Variants in MRPS23 observed in about 807,000 individuals in gnomAD.
The protein encoded by MRPS23 is mitochondrial ribosomal protein S23.
A neutral mutation model predicts 19.8 loss-of-function variants in MRPS23; 14 were observed. That is an observed-to-expected ratio of 0.71 (90% CI 0.47 to 1.11). The LOEUF (loss-of-function observed/expected upper bound fraction) is 1.11. Among genes scored for constraint, MRPS23 ranks in the 50% least tolerant of loss-of-function variants. The pLI is 0.00. For synonymous variants in MRPS23, 113 were observed against 89.7 expected (o/e 1.26, Z -1.47); for missense variants, 242 against 236.7 (o/e 1.02, Z -0.15).
intron 2 of MRPS23, among the ~76,000 whole-genome samples, chr17:57,846,338 G>C (rs1401336332): frequency 6.6e-6 from 1 of 152,044 alleles, no homozygotes; most frequent in East Asian, 1.9e-4. Context: ...TCCGGGAGGT[G>C]GGGGGCACCT....
chr17:57,835,718 A>G lies in MRPS23; in HGVS notation c.*4065T>C, dbSNP rs916018604. ...GAAGCCAAAAAGGCAAACATTGTCC[A>G]TATTTTACAGGCTGAAATACTGTGA... On this transcript the variant is annotated 3_prime_UTR_variant, in exon 5 of 5. Coordinates refer to ENST00000313608, the MANE Select transcript of MRPS23 (RefSeq NM_016070.4). 5.3e-5 allele frequency: 8 copies of G among 152,254 alleles called. No individual in the cohort carries two copies. Among genetic ancestry groups the G allele is most frequent in the African/African-American group, 1.7e-4 (7 of 41,472 alleles). The allele number at this position is 152,254 out of a possible 1,614,324, so 9.4% of individuals were successfully genotyped here. A position where few individuals can be genotyped will look rare whatever the true frequency, so the allele number is the denominator to read the frequency against.
In MRPS23 at chr17:57,835,781, T is replaced by C. The variant is rs1001301616; in HGVS notation, c.*4002A>G. On this transcript the variant is annotated 3_prime_UTR_variant, in exon 5 of 5. Transcript: ENST00000313608. ...CACATAGTAAAAACTGCCTGGAGTA[T>C]CCAGATCTAGAACCCAAATCTTCAT... 1.3e-5 allele frequency: 2 copies of C among 152,122 alleles called. No homozygotes were observed. The highest frequency in any genetic ancestry group is 2.9e-5 in the Non-Finnish European group (2 of 68,038). The allele number at this position is 152,122 out of a possible 1,614,324, so 9.4% of individuals were successfully genotyped here. A position where few individuals can be genotyped will look rare whatever the true frequency, so the allele number is the denominator to read the frequency against.
chr17:57,846,503 G>C (rs1372237266), intron 2 of MRPS23, among the ~76,000 whole-genome samples: 1 of 152,226 alleles, frequency 6.6e-6, no homozygotes, highest in African/African-American at 2.4e-5. Flanking sequence ...AAGAAAGAGA[G>C]ATCAGATTGT....
rs1037846258 is a variant in MRPS23, at chr17:57,837,742, G to T, written c.*2041C>A. Reference sequence around the variant, plus strand: ...GCACTTTGGGCGGCTGAGGCAGGAGGATCGCTTGAGGCCAGGAGTTTGAGA... The same window carrying T: ...GCACTTTGGGCGGCTGAGGCAGGAGTATCGCTTGAGGCCAGGAGTTTGAGA... On this transcript the variant is annotated 3_prime_UTR_variant, in exon 5 of 5. Coordinates refer to ENST00000313608, the MANE Select transcript of MRPS23 (RefSeq NM_016070.4). The T allele has an allele frequency of 6.6e-6, 1 of 152,276 alleles. No individual in the cohort carries two copies. Among genetic ancestry groups the T allele is most frequent in the East Asian group, 1.9e-4 (1 of 5,182 alleles). 9.4% of individuals were successfully genotyped at this position (152,276 alleles called of 1,614,324 possible). A position where few individuals can be genotyped will look rare whatever the true frequency, so the allele number is the denominator to read the frequency against.
intron 2 of MRPS23, among the ~76,000 whole-genome samples, chr17:57,847,694 A>AG (rs757893752): frequency 1.2e-3 from 182 of 150,468 alleles, no homozygotes; most frequent in Non-Finnish European, 1.5e-3. Context: ...TCAGAAAAAA[A>AG]CAAAACTTTT....
At chr17:57,848,480 T>A (rs2073790744) in intron 2 of MRPS23, among the ~76,000 whole-genome samples, 1 of 151,862 alleles carries the variant, frequency 6.6e-6, no homozygotes, top group Non-Finnish European at 1.5e-5. Flanking sequence ...GTTCAAGCAA[T>A]TCTCCTGTCT....
Position 57,839,728 on chromosome 17 carries a change from A to G in MRPS23, c.*55T>C, listed in dbSNP as rs2073728578. 1.9e-6 allele frequency: 3 copies of G among 1,576,734 alleles called. No homozygotes were observed. The highest frequency in any genetic ancestry group is 2.6e-6 in the Non-Finnish European group (3 of 1,157,098). ...CAGTTCAACTGTTTAAAAATAGCTC[A>G]ACATTCAGCCAGTGAGTAGAGTGTG... On this transcript the variant is annotated 3_prime_UTR_variant, in exon 5 of 5. Transcript: ENST00000313608.
rs751517317 is a variant in MRPS23, at chr17:57,841,048, C to A, written c.298G>T (p.Val100Leu). The A allele has an allele frequency of 1.5e-5, 24 of 1,613,968 alleles. No homozygotes were observed. Among genetic ancestry groups the A allele is most frequent in the Non-Finnish European group, 2.0e-5 (24 of 1,179,944 alleles). ...TTCTGTAGCTCAGTGTACTTCTCCA[C>A]AAACCTGTAATTCCAAGCAGTCACA... Reference protein sequence around the residue: ...PNFKSTCQRFVEKYTELQKLG... With the variant: ...PNFKSTCQRFLEKYTELQKLG... Residue 100 changes from valine (V) to leucine (L), a missense_variant, in exon 4 of 5, where the codon GTG becomes TTG. Physicochemically the swap from Val to Leu is conservative, Grantham distance 32 (BLOSUM62 1). Coordinates refer to ENST00000313608, the MANE Select transcript of MRPS23 (RefSeq NM_016070.4).
At chr17:57,847,401 G>A (rs947143477) in intron 2 of MRPS23, among the ~76,000 whole-genome samples, 7 of 150,956 alleles carry the variant, frequency 4.6e-5, no homozygotes, top group African/African-American at 1.7e-4. Flanking sequence ...GGTGGCTCAC[G>A]CCTGTAATCC....
rs550384773 is a variant in MRPS23, at chr17:57,846,855, A to G, written c.215+2385T>C. ...TTTATCTGCTGACCTTCCCTCCACTATTGTCCTATGACCCTGCCAAATCCC... is the reference window on the plus strand; with the variant it reads ...TTTATCTGCTGACCTTCCCTCCACTGTTGTCCTATGACCCTGCCAAATCCC... On this transcript the variant is annotated intron_variant, in intron 2 of 4. Transcript: ENST00000313608. 3.9e-3 allele frequency among the ~76,000 whole-genome samples: 600 copies of G among 151,960 alleles called. 5 individuals are homozygous for G. Among genetic ancestry groups the G allele is most frequent in the African/African-American group, 0.014 (568 of 41,418 alleles).
In MRPS23 at chr17:57,838,287, CGCAAA is replaced by C. The variant is rs2073718617; in HGVS notation, c.*1491_*1495del. ...CCTGGGAAACAAAGTGATACTCCAT[CGCAAA>C]AAAAAAAAAAAAAAAAAAAAAAAAA... On this transcript the variant is annotated 3_prime_UTR_variant, in exon 5 of 5. Transcript: ENST00000313608. 1.4e-4 allele frequency: 1 copy of C among 6,910 alleles called. No homozygotes were observed. Among genetic ancestry groups the C allele is most frequent in the Non-Finnish European group, 3.1e-4 (1 of 3,196 alleles). 0.4% of individuals were successfully genotyped at this position (6,910 alleles called of 1,614,324 possible).
chr17:57,839,645 C>A lies in MRPS23; in HGVS notation c.*138G>T. 8.9e-7 allele frequency: 1 copy of A among 1,124,068 alleles called. No homozygotes were observed. Among genetic ancestry groups the A allele is most frequent in the Middle Eastern group, 3.2e-4 (1 of 3,118 alleles). The allele number at this position is 1,124,068 out of a possible 1,614,324, so 69.6% of individuals were successfully genotyped here. On this transcript the variant is annotated 3_prime_UTR_variant, in exon 5 of 5. Transcript: ENST00000313608. ...ACCATGATACTGAGCTTTGTGACAA[C>A]CCAGAAATAACTAAGAGAAGGCAAA...
At position 57,835,312 on chromosome 17, in the gene MRPS23, C is replaced by T. The variant is rs780617075; in HGVS notation, c.*4471G>A. ...CAGGAGAGCACCAGTTCCACGTCAC[C>T]AACTGGGTGTTAGTGATGCTGCTAA... On this transcript the variant is annotated 3_prime_UTR_variant, in exon 5 of 5. Coordinates refer to ENST00000313608, the MANE Select transcript of MRPS23 (RefSeq NM_016070.4). 2 of 152,168 alleles carry T rather than the reference C, an allele frequency of 1.3e-5. No homozygotes were observed. Among genetic ancestry groups the T allele is most frequent in the Non-Finnish European group, 2.9e-5 (2 of 68,026 alleles). 9.4% of individuals were successfully genotyped at this position (152,168 alleles called of 1,614,324 possible). A position where few individuals can be genotyped will look rare whatever the true frequency, so the allele number is the denominator to read the frequency against.
At chr17:57,843,647 T>G (rs2073754421) in intron 2 of MRPS23, among the ~76,000 whole-genome samples, 2 of 152,132 alleles carry the variant, frequency 1.3e-5, no homozygotes, top group African/African-American at 4.8e-5. Context: ...GCTACCACTC[T>G]CTGCTCCCCT....
intron 2 of MRPS23, among the ~76,000 whole-genome samples, chr17:57,841,556 T>C (rs1269158518): frequency 6.6e-6 from 1 of 152,230 alleles, no homozygotes; most frequent in Middle Eastern, 3.2e-3. Context: ...TGTATATCCA[T>C]CCAGAAATAT....
At chr17:57,846,927 T>TAAAA (rs146246158) in intron 2 of MRPS23, among the ~76,000 whole-genome samples, 1 of 141,614 alleles carries the variant, frequency 7.1e-6, no homozygotes, top group African/African-American at 2.6e-5. Flanking sequence ...CTATAAAAAA[T>TAAAA]AAAAAATAAT....
intron 2 of MRPS23, among the ~76,000 whole-genome samples, chr17:57,842,498 C>A (rs1237188505): frequency 1.3e-5 from 2 of 152,174 alleles, no homozygotes; most frequent in Non-Finnish European, 1.5e-5. Flanking sequence ...GAGATTGTTT[C>A]CAGTCCTTTA....
rs192426409 is a variant in MRPS23, at chr17:57,835,199, T to C, written c.*4584A>G. On this transcript the variant is annotated 3_prime_UTR_variant, in exon 5 of 5. Transcript: ENST00000313608. ...TTCTCCTGGCTCCAAATCTTGCCCCTGTAGACACCTATCCCTTATCTCTGT... is the reference window on the plus strand; with the variant it reads ...TTCTCCTGGCTCCAAATCTTGCCCCCGTAGACACCTATCCCTTATCTCTGT... 6.6e-6 allele frequency: 1 copy of C among 152,414 alleles called. No individual in the cohort carries two copies. Among genetic ancestry groups the C allele is most frequent in the Admixed American group, 6.5e-5 (1 of 15,296 alleles). The allele number at this position is 152,414 out of a possible 1,614,324, so 9.4% of individuals were successfully genotyped here. A position where few individuals can be genotyped will look rare whatever the true frequency, so the allele number is the denominator to read the frequency against.
At chr17:57,841,539 A>G (rs928653231) in intron 2 of MRPS23, among the ~76,000 whole-genome samples, 1 of 152,222 alleles carries the variant, frequency 6.6e-6, no homozygotes, top group Non-Finnish European at 1.5e-5. Context: ...AACACTAACA[A>G]ATTTCTTGTA....
Sources: allele counts gnomAD v4.1 joint callset (sites outside exome capture counted in the v4.1 genomes callset), GRCh38; gene constraint gnomAD v4.1.1; transcripts MANE v1.5; gene names NCBI Gene and HGNC (gene_info 2026-07-23, HGNC 2026-07-21).